Variants in MAGI2 observed in about 807,000 individuals in gnomAD.
MAGI2 encodes the protein membrane-associated guanylate kinase, WW and PDZ domain-containing protein 2.
A neutral mutation model predicts 133.3 loss-of-function variants in MAGI2; 35 were observed. The ratio of observed to expected loss-of-function variants is 0.26; its 90% confidence interval spans 0.20 to 0.35. The LOEUF (loss-of-function observed/expected upper bound fraction) is 0.35. MAGI2 is among the 10% of genes least tolerant of loss of function. MAGI2 has a pLI of 1.00. For synonymous variants in MAGI2, 729 were observed against 710.6 expected, an observed-to-expected ratio of 1.03 and a Z score of -0.41; for missense variants, 1,636 against 1,863.4, an observed-to-expected ratio of 0.88 and a Z score of 2.25.
intron 2 of MAGI2, among the ~76,000 whole-genome samples, chr7:78,954,793 T>A (rs532305614): frequency 5.9e-5 from 9 of 152,270 alleles, no homozygotes; most frequent in Admixed American, 5.2e-4. Context: ...ATTCTTTTTT[T>A]AAAAAAGGAG....
intron 1 of MAGI2, among the ~76,000 whole-genome samples, chr7:79,341,032 T>C (rs975705696): frequency 7.2e-5 from 11 of 152,128 alleles, no homozygotes; most frequent in African/African-American, 2.7e-4. Context: ...GCCAGTGAAC[T>C]TGACCATTTG....
intron 20 of MAGI2, among the ~76,000 whole-genome samples, chr7:78,113,205 AGG>A (rs1819530520): frequency 6.6e-6 from 1 of 151,980 alleles, no homozygotes; most frequent in Non-Finnish European, 1.5e-5. Flanking sequence ...CCTTGTGATG[AGG>A]GTCTGATCTT....
At chr7:78,912,761 A>ATAAT (rs1563655741) in intron 2 of MAGI2, among the ~76,000 whole-genome samples, 3 of 147,456 alleles carry the variant, frequency 2.0e-5, no homozygotes, top group South Asian at 2.1e-4. Flanking sequence ...ATATATATAT[A>ATAAT]TCATTCATAT....
chr7:79,154,467 T>C (rs1315165240), intron 1 of MAGI2, among the ~76,000 whole-genome samples: 1 of 152,180 alleles, frequency 6.6e-6, no homozygotes. Context: ...CACAAATAAA[T>C]TGGAAGGGCA....
chr7:78,219,196 C>G (rs1788562670), intron 10 of MAGI2, among the ~76,000 whole-genome samples: 1 of 152,174 alleles, frequency 6.6e-6, no homozygotes, highest in Admixed American at 6.6e-5. Flanking sequence ...CTCCCTCTCT[C>G]TCATGGTTTT....
intron 1 of MAGI2, among the ~76,000 whole-genome samples, chr7:79,147,469 G>T (rs894709533): frequency 6.6e-6 from 1 of 152,160 alleles, no homozygotes; most frequent in African/African-American, 2.4e-5. Context: ...GGCTTGGGCT[G>T]CTTAGCTTGG....
chr7:78,768,545 G>C (rs780019587), intron 2 of MAGI2, among the ~76,000 whole-genome samples: 27 of 152,284 alleles, frequency 1.8e-4, no homozygotes, highest in Non-Finnish European at 3.5e-4. Flanking sequence ...CTATGGGAAG[G>C]TGCTCACGAT....
intron 2 of MAGI2, among the ~76,000 whole-genome samples, chr7:78,700,117 A>G (rs10228963): frequency 0.076 from 11,516 of 152,202 alleles, 453 homozygotes; most frequent in African/African-American, 0.093. Context: ...ATGACCCGCC[A>G]AGCTAAGCAA....
At chr7:78,923,461 C>T (rs992927733) in intron 2 of MAGI2, among the ~76,000 whole-genome samples, 25 of 152,172 alleles carry the variant, frequency 1.6e-4, no homozygotes, top group Non-Finnish European at 2.9e-4. Context: ...ATCCTTTCCC[C>T]ATTGCTTGTT....
At chr7:78,369,689 T>C (rs1463252026) in intron 6 of MAGI2, among the ~76,000 whole-genome samples, 8 of 152,098 alleles carry the variant, frequency 5.3e-5, no homozygotes, top group Non-Finnish European at 1.0e-4. Context: ...TTTGAGATGG[T>C]AGGCTTGCTG....
intron 1 of MAGI2, among the ~76,000 whole-genome samples, chr7:79,297,850 A>G (rs187972388): frequency 6.6e-6 from 1 of 152,348 alleles, no homozygotes; most frequent in East Asian, 1.9e-4. Context: ...CTATCTCAGC[A>G]CAGCTTTGAC....
chr7:79,294,350 G>C (rs1836745217), intron 1 of MAGI2, among the ~76,000 whole-genome samples: 1 of 151,450 alleles, frequency 6.6e-6, no homozygotes, highest in East Asian at 2.0e-4. Flanking sequence ...TTATTGGGCA[G>C]AAAAGGAAAA....
chr7:79,329,266 A>T (rs534622721), intron 1 of MAGI2, among the ~76,000 whole-genome samples: 1 of 152,372 alleles, frequency 6.6e-6, no homozygotes, highest in South Asian at 2.1e-4. Flanking sequence ...CATTAAAAGC[A>T]TCTCAATTCA....
intron 9 of MAGI2, among the ~76,000 whole-genome samples, chr7:78,262,685 T>C (rs570485130): frequency 2.1e-4 from 32 of 152,280 alleles, no homozygotes; most frequent in African/African-American, 7.5e-4. Flanking sequence ...GATTTACACA[T>C]ATTCAACTAC....
At chr7:79,434,287 C>A (rs1847989836) in intron 1 of MAGI2, among the ~76,000 whole-genome samples, 1 of 152,126 alleles carries the variant, frequency 6.6e-6, no homozygotes, top group Non-Finnish European at 1.5e-5. Context: ...GACTCAGCAT[C>A]CTAGCTTTCC....
intron 9 of MAGI2, among the ~76,000 whole-genome samples, chr7:78,332,115 G>T (rs527799707): frequency 8.9e-4 from 136 of 152,248 alleles, no homozygotes; most frequent in African/African-American, 2.9e-3. Context: ...GATAACATTT[G>T]TATAGTTACC....
chr7:78,200,793 G>C (rs1298183922), intron 11 of MAGI2, among the ~76,000 whole-genome samples: 1 of 152,074 alleles, frequency 6.6e-6, no homozygotes, highest in Non-Finnish European at 1.5e-5. Flanking sequence ...TGCAGGTCAA[G>C]ACTTCTGGAC....
chr7:79,429,264 T>C (rs1847609583), intron 1 of MAGI2, among the ~76,000 whole-genome samples: 1 of 152,294 alleles, frequency 6.6e-6, no homozygotes, highest in African/African-American at 2.4e-5. Flanking sequence ...TAAACCTTAT[T>C]GACAAGTCAA....
chr7:78,825,769 A>G (rs1790572854), intron 2 of MAGI2, among the ~76,000 whole-genome samples: 2 of 152,132 alleles, frequency 1.3e-5, no homozygotes, highest in African/African-American at 4.8e-5. Context: ...ATATTTACTG[A>G]AGGCCTACTA....
Sources: gnomAD v4.1 joint callset for allele counts (sites outside exome capture counted in the v4.1 genomes callset) on GRCh38, gnomAD v4.1.1 for gene constraint, MANE v1.5 for transcripts, NCBI Gene and HGNC (gene_info 2026-07-23, HGNC 2026-07-21) for gene names.